ABI3BP: variants seen among roughly 807,000 people sequenced by gnomAD.
ABI3BP encodes the protein ABI family member 3 binding protein, also known as target of Nesh-SH3.
A neutral mutation model predicts 268.6 loss-of-function variants in ABI3BP; 216 were observed. The observed-to-expected ratio is 0.80, with a 90% CI of 0.72 to 0.90. ABI3BP has a LOEUF of 0.90. ABI3BP is among the 40% of genes least tolerant of loss of function. The pLI, the probability that ABI3BP is intolerant of heterozygous loss-of-function variation, is 0.00. For synonymous variants in ABI3BP, 730 were observed against 730.0 expected, an observed-to-expected ratio of 1.00 and a Z score of 0.00; for missense variants, 2,090 against 2,182.4, an observed-to-expected ratio of 0.96 and a Z score of 0.84.
chr3:100,981,136 T>C (rs1464251853), intron 1 of ABI3BP, among the ~76,000 whole-genome samples: 2 of 152,164 alleles, frequency 1.3e-5, no homozygotes, highest in South Asian at 2.1e-4. Context: ...TGAATATAAA[T>C]GTGTGCTTTT....
chr3:100,817,591 T>A, intron 41 of ABI3BP, 96 bp from the exon 42 acceptor site: 1 of 977,888 alleles, frequency 1.0e-6, no homozygotes, highest in Non-Finnish European at 1.4e-6. Context: ...GTAAGGCTTG[T>A]TTTTTGCAGA....
chr3:100,877,357 A>G (rs762205110), intron 6 of ABI3BP, among the ~76,000 whole-genome samples: 10 of 152,224 alleles, frequency 6.6e-5, no homozygotes, highest in Non-Finnish European at 1.3e-4. Context: ...CCAAGCACTT[A>G]TTGCTCAAGA....
At chr3:100,914,519 T>C (rs1437013009) in intron 2 of ABI3BP, 1 of 440,568 alleles carries the variant, frequency 2.3e-6, no homozygotes, top group African/African-American at 2.0e-5. Flanking sequence ...CACAGGCCTG[T>C]TCTGAAGGGA....
At chr3:100,903,983 G>C (rs149483182) in intron 2 of ABI3BP, among the ~76,000 whole-genome samples, 3 of 152,260 alleles carry the variant, frequency 2.0e-5, no homozygotes, top group South Asian at 2.1e-4. Context: ...AGTGAGGCTC[G>C]TACAAGGAAT....
chr3:100,972,685 G>A (rs1201431063), intron 1 of ABI3BP, among the ~76,000 whole-genome samples: 1 of 152,042 alleles, frequency 6.6e-6, no homozygotes, highest in Non-Finnish European at 1.5e-5. Context: ...GCCCCTGGCT[G>A]GGGAAAACAC....
rs1335604637 is a variant in ABI3BP, at chr3:100,822,608, T to C, written c.2868A>G (p.Glu956=). The change falls in exon 38 of 68, where the codon GAA becomes GAG. Residue 956 remains glutamate (E), a synonymous_variant. Coordinates refer to ENST00000471714, the MANE Select transcript of ABI3BP (RefSeq NM_001375547.2). ...GTTTACCTGGTTTGGATTCAGGTGC[T>C]TCAGGACGTGGTGTGGTTTTTGTTC... ...RLRTKTTPRP[E]APESKPVPTA... 2 of 1,536,578 alleles carry C rather than the reference T, an allele frequency of 1.3e-6. No individual in the cohort carries two copies. Among genetic ancestry groups the C allele is most frequent in the Non-Finnish European group, 8.7e-7 (1 of 1,146,952 alleles).
At chr3:100,890,562 A>G (rs1004797265) in intron 4 of ABI3BP, among the ~76,000 whole-genome samples, 1 of 152,120 alleles carries the variant, frequency 6.6e-6, no homozygotes, top group East Asian at 1.9e-4. Flanking sequence ...TTCTACCCCA[A>G]CAAAATTAAA....
chr3:100,926,416 G>C lies in ABI3BP; in HGVS notation c.145C>G (p.Arg49Gly). 1 of 1,613,392 alleles carries C rather than the reference G, an allele frequency of 6.2e-7. No individual in the cohort carries two copies. The highest frequency in any genetic ancestry group is 2.2e-5 in the East Asian group (1 of 44,850). Residue 49 changes from arginine to glycine, a missense_variant, in exon 2 of 68, where the codon CGT (arginine) becomes GGT (glycine). Arg to Gly is a moderately radical substitution (Grantham distance 125). Transcript: ENST00000471714. ...TSDSILLKFL[R>G]PSPNVKLEGL... ...TCAAGCTTTACATTTGGACTTGGAC[G>C]CAAGAACTTCAAGAGGATGGAGTCA... is the stretch of plus-strand genomic sequence containing the variant.
At chr3:100,893,192 T>G (rs4928095) in intron 4 of ABI3BP, among the ~76,000 whole-genome samples, 115,220 of 152,050 alleles carry the variant, frequency 0.76, 43,952 homozygotes, top group Non-Finnish European at 0.8. Flanking sequence ...GCTTTTGGAT[T>G]CTTGGACTTA....
intron 4 of ABI3BP, among the ~76,000 whole-genome samples, chr3:100,895,180 A>AGCTT (rs1461591156): frequency 1.3e-5 from 2 of 152,034 alleles, no homozygotes; most frequent in African/African-American, 4.8e-5. Context: ...CCAATTTGAA[A>AGCTT]GCTTTCTTTC....
At chr3:100,988,160 G>A (rs2153984661) in intron 1 of ABI3BP, among the ~76,000 whole-genome samples, 1 of 152,230 alleles carries the variant, frequency 6.6e-6, no homozygotes, top group East Asian at 1.9e-4. Flanking sequence ...CCTCCCATAA[G>A]CATCAACCAC....
rs551749392 is a variant in ABI3BP at position 100,939,710 on chromosome 3, G to A, written c.80-13229C>T. On this transcript the variant is annotated intron_variant, in intron 1 of 67. Coordinates refer to ENST00000471714, the MANE Select transcript of ABI3BP (RefSeq NM_001375547.2). ...AAATTAAAATTGCTAATGAAGTTTT[G>A]GGCACCACTGTCATTGATAACATCT... is the stretch of plus-strand genomic sequence containing the variant. Among the ~76,000 whole-genome samples the A allele has an allele frequency of 7.2e-4, 110 of 152,144 alleles. 1 individual carries two copies. The highest frequency in any genetic ancestry group is 2.6e-3 in the African/African-American group (108 of 41,528).
chr3:100,847,677 G>A lies in ABI3BP; in HGVS notation c.1577-4C>T, dbSNP rs763206882. The A allele has an allele frequency of 1.2e-5, 20 of 1,612,204 alleles. No homozygotes were observed. The Admixed American group carries it at 2.8e-4, about 23-fold the overall frequency. On this transcript the variant is annotated splice_polypyrimidine_tract_variant and splice_region_variant and intron_variant, in intron 18 of 67. Transcript: ENST00000471714. ...GTTCCGGCACTTGTGGTTCTTTCTG[G>A]TGATGGAAAGGAAAAAAATATTGAA...
intron 3 of ABI3BP, among the ~76,000 whole-genome samples, chr3:100,901,639 GC>G (rs1293757461): frequency 9.9e-5 from 15 of 151,972 alleles, no homozygotes; most frequent in Non-Finnish European, 2.1e-4. Context: ...GGTGGTGGGC[GC>G]CTGTAGTCCC....
chr3:100,893,340 C>T (rs972555628), intron 4 of ABI3BP, among the ~76,000 whole-genome samples: 1 of 152,074 alleles, frequency 6.6e-6, no homozygotes, highest in Non-Finnish European at 1.5e-5. Flanking sequence ...GTTATGAAAC[C>T]TCAACTTGTG....
chr3:100,850,188 A>T (rs2098821914), intron 16 of ABI3BP, 69 bp from the exon 17 acceptor site: 1 of 1,355,662 alleles, frequency 7.4e-7, no homozygotes, highest in Middle Eastern at 1.8e-4. Flanking sequence ...GAATTTTAAC[A>T]TGCTTTTAGA....
intron 3 of ABI3BP, among the ~76,000 whole-genome samples, chr3:100,899,383 A>G (rs1242042865): frequency 1.3e-5 from 2 of 152,256 alleles, no homozygotes; most frequent in African/African-American, 4.8e-5. Flanking sequence ...GTAGGTTATA[A>G]TCTTTTTTAA....
chr3:100,772,454 A>C (rs1039732478), intron 61 of ABI3BP, among the ~76,000 whole-genome samples: 1 of 152,238 alleles, frequency 6.6e-6, no homozygotes, highest in African/African-American at 2.4e-5. Flanking sequence ...TGACAATAAT[A>C]GTCCAAAGGC....
In ABI3BP at chr3:100,816,031, C is replaced by A. The variant is rs555260272; in HGVS notation, c.3230-60G>T. Reference sequence around the variant, plus strand: ...TTAAAGACTTTTTAAAAAAAATCCTCAATTTTTATTTTAAAACATGAGTTT... The same window carrying A: ...TTAAAGACTTTTTAAAAAAAATCCTAAATTTTTATTTTAAAACATGAGTTT... On this transcript the variant is annotated intron_variant, in intron 43 of 67. Coordinates refer to ENST00000471714, the MANE Select transcript of ABI3BP (RefSeq NM_001375547.2). 9 of 1,240,094 alleles carry A rather than the reference C, an allele frequency of 7.3e-6. No individual in the cohort carries two copies. The East Asian group carries it at 1.8e-4, about 25-fold the overall frequency. The allele number at this position is 1,240,094 out of a possible 1,614,324, so 76.8% of individuals were successfully genotyped here.
Sources: gnomAD v4.1 joint callset for allele counts (sites outside exome capture counted in the v4.1 genomes callset) on GRCh38, gnomAD v4.1.1 for gene constraint, MANE v1.5 for transcripts, NCBI Gene and HGNC (gene_info 2026-07-23, HGNC 2026-07-21) for gene names.